PDZRN4: variants seen among roughly 807,000 people sequenced by gnomAD.
The protein encoded by PDZRN4 is PDZ domain containing ring finger 4.
In PDZRN4, 70 loss-of-function variants were observed where a neutral mutation model predicts 99.0. That is an observed-to-expected ratio of 0.71 (90% CI 0.58 to 0.86). The LOEUF is 0.86. Among genes scored for constraint, PDZRN4 ranks in the 40% least tolerant of loss-of-function variants. The probability of loss-of-function intolerance (pLI) is 0.00; values close to 1 mark genes in which losing one functional copy is unlikely to be tolerated. For synonymous variants in PDZRN4, 551 were observed against 501.6 expected, an observed-to-expected ratio of 1.10 and a Z score of -1.32; for missense variants, 1,474 against 1,331.2, an observed-to-expected ratio of 1.11 and a Z score of -1.67.
intron 3 of PDZRN4, among the ~76,000 whole-genome samples, chr12:41,491,090 G>C (rs1377125540): frequency 6.6e-6 from 1 of 152,106 alleles, no homozygotes; most frequent in Non-Finnish European, 1.5e-5. Context: ...GTGTCCAGTG[G>C]GGTAGCTGTT....
chr12:41,253,786 A>G (rs529178746), intron 3 of PDZRN4, among the ~76,000 whole-genome samples: 1 of 152,320 alleles, frequency 6.6e-6, no homozygotes, highest in South Asian at 2.1e-4. Flanking sequence ...CATATACACA[A>G]TGAGATATTA....
chr12:41,461,682 T>C (rs1162877086), intron 3 of PDZRN4, among the ~76,000 whole-genome samples: 1 of 152,206 alleles, frequency 6.6e-6, no homozygotes, highest in African/African-American at 2.4e-5. Flanking sequence ...TATTTCTTTA[T>C]GTTTAGAAAT....
chr12:41,551,026 A>G (rs1939044105), intron 5 of PDZRN4, among the ~76,000 whole-genome samples: 1 of 152,204 alleles, frequency 6.6e-6, no homozygotes, highest in Non-Finnish European at 1.5e-5. Context: ...TTAAATGAAT[A>G]CTTTTTGTCT....
At chr12:41,459,349 T>G (rs1264455619) in intron 3 of PDZRN4, among the ~76,000 whole-genome samples, 2 of 152,196 alleles carry the variant, frequency 1.3e-5, no homozygotes, top group Non-Finnish European at 2.9e-5. Flanking sequence ...TGTGTTTTCA[T>G]GTGGAAGTTA....
intron 3 of PDZRN4, among the ~76,000 whole-genome samples, chr12:41,441,541 A>G (rs1952681196): frequency 6.6e-6 from 1 of 152,148 alleles, no homozygotes; most frequent in Non-Finnish European, 1.5e-5. Flanking sequence ...CTTTTCCCTA[A>G]GCATCATCTT....
chr12:41,483,702 G>A (rs998788207), intron 3 of PDZRN4, among the ~76,000 whole-genome samples: 1 of 152,124 alleles, frequency 6.6e-6, no homozygotes, highest in African/African-American at 2.4e-5. Flanking sequence ...AATGGTTCTT[G>A]TCAGGATCCA....
At chr12:41,399,473 G>T (rs1952274158) in intron 3 of PDZRN4, among the ~76,000 whole-genome samples, 1 of 152,150 alleles carries the variant, frequency 6.6e-6, no homozygotes, top group African/African-American at 2.4e-5. Context: ...AGTGGCTCAT[G>T]CCTGTAATCC....
chr12:41,356,655 T>C (rs1951929654), intron 3 of PDZRN4, among the ~76,000 whole-genome samples: 1 of 151,978 alleles, frequency 6.6e-6, no homozygotes, highest in South Asian at 2.1e-4. Context: ...ACCATAATTA[T>C]ACCAGTGTGC....
At position 41,573,850 on chromosome 12, in the gene PDZRN4, C is replaced by T. The variant is rs754588707; in HGVS notation, c.3071C>T (p.Thr1024Met). 3.1e-6 allele frequency: 5 copies of T among 1,593,638 alleles called. No individual in the cohort carries two copies. The highest frequency in any genetic ancestry group is 4.3e-6 in the Non-Finnish European group (5 of 1,171,902). The change falls in exon 10 of 10, where the codon ACG becomes ATG. Residue 1024 changes from threonine (T) to methionine (M), a missense_variant. Coordinates refer to ENST00000402685, the MANE Select transcript of PDZRN4 (RefSeq NM_001164595.2). ...MTHGAKSPDG[T>M]RVHNAFLSVT... ...CATGGGGCCAAGTCTCCAGATGGCA[C>T]GAGAGTCCATAATGCCTTCTTGTCG... is the stretch of plus-strand genomic sequence containing the variant.
chr12:41,351,978 T>C (rs1337226989), intron 3 of PDZRN4, among the ~76,000 whole-genome samples: 1 of 14,502 alleles, frequency 6.9e-5, no homozygotes, highest in East Asian at 1.7e-3. Flanking sequence ...GACCATTGTC[T>C]CAAAATAAAT....
chr12:41,234,822 T>C (rs957505376), intron 3 of PDZRN4, among the ~76,000 whole-genome samples: 2 of 152,072 alleles, frequency 1.3e-5, no homozygotes, highest in Non-Finnish European at 2.9e-5. Context: ...CTACGACAGA[T>C]GGAGACAGCC....
At chr12:41,558,730 C>T (rs918293437) in intron 7 of PDZRN4, among the ~76,000 whole-genome samples, 1 of 152,186 alleles carries the variant, frequency 6.6e-6, no homozygotes. Context: ...ACTTTATATT[C>T]TGTGACAAAT....
intron 3 of PDZRN4, among the ~76,000 whole-genome samples, chr12:41,235,001 CGGAAGGGGTTAGAAG>C (rs1180832341): frequency 6.6e-6 from 1 of 152,026 alleles, no homozygotes; most frequent in Non-Finnish European, 1.5e-5. Flanking sequence ...TAACCTACAC[CGGAAGGGGTTAGAAG>C]GTTACCTAAA....
At chr12:41,345,790 A>G (rs1951848774) in intron 3 of PDZRN4, among the ~76,000 whole-genome samples, 2 of 152,144 alleles carry the variant, frequency 1.3e-5, no homozygotes, top group Non-Finnish European at 2.9e-5. Flanking sequence ...AAATTCCAGT[A>G]CAAATATTAA....
chr12:41,245,081 G>A (rs1041424854), intron 3 of PDZRN4, among the ~76,000 whole-genome samples: 1 of 152,112 alleles, frequency 6.6e-6, no homozygotes, highest in Admixed American at 6.5e-5. Context: ...ATATAAGATA[G>A]CATTCCTAGT....
chr12:41,499,719 A>G (rs151272160), intron 3 of PDZRN4, among the ~76,000 whole-genome samples: 33 of 152,218 alleles, frequency 2.2e-4, no homozygotes, highest in African/African-American at 7.0e-4. Context: ...TAATGGATCC[A>G]TAACCTCTTC....
At position 41,250,231 on chromosome 12, in the gene PDZRN4, C is replaced by T. The variant is rs540320356; in HGVS notation, c.843+56043C>T. ...GGTTCATTCCATGATTTAGCAAAAGCGAACAACTAATTTTCAGAAAAAGTT... is the reference window on the plus strand; with the variant it reads ...GGTTCATTCCATGATTTAGCAAAAGTGAACAACTAATTTTCAGAAAAAGTT... On this transcript the variant is annotated intron_variant, in intron 3 of 9. Transcript: ENST00000402685. Among the ~76,000 whole-genome samples the T allele has an allele frequency of 1.1e-4, 16 of 152,192 alleles. No individual in the cohort carries two copies. In the South Asian group the frequency reaches 2.3e-3, roughly 22 times the overall value.
At chr12:41,339,568 A>AATGGACAAATGAT (rs1951800954) in intron 3 of PDZRN4, among the ~76,000 whole-genome samples, 1 of 152,104 alleles carries the variant, frequency 6.6e-6, no homozygotes, top group Non-Finnish European at 1.5e-5. Context: ...AACAAAGCAA[A>AATGGACAAATGAT]ATGGACAAAT....
chr12:41,496,410 T>A (rs976012687), intron 3 of PDZRN4, among the ~76,000 whole-genome samples: 1 of 152,108 alleles, frequency 6.6e-6, no homozygotes, highest in Non-Finnish European at 1.5e-5. Context: ...TGAGTGGATA[T>A]TATTATCCCC....
Sources: allele counts gnomAD v4.1 joint callset (sites outside exome capture counted in the v4.1 genomes callset), GRCh38; gene constraint gnomAD v4.1.1; transcripts MANE v1.5; gene names NCBI Gene and HGNC (gene_info 2026-07-23, HGNC 2026-07-21).